NOMO1: variants seen among roughly 807,000 people sequenced by gnomAD.
NOMO1 encodes NODAL modulator 1.
A neutral mutation model predicts 133.8 loss-of-function variants in NOMO1; 40 were observed. That is an observed-to-expected ratio of 0.30 (90% CI 0.23 to 0.39). NOMO1 has a LOEUF of 0.39. NOMO1 is among the 10% of genes least tolerant of loss of function. The pLI is 1.00. For synonymous variants in NOMO1, 236 were observed against 570.5 expected (o/e 0.41, Z 8.36); for missense variants, 462 against 1,419.9 (o/e 0.33, Z 10.84).
chr16:14,884,014 A>G (rs1011824414), intron 26 of NOMO1, among the ~76,000 whole-genome samples: 13 of 146,754 alleles, frequency 8.9e-5, no homozygotes, highest in African/African-American at 2.6e-4. Context: ...AAATGTGTCT[A>G]TGGGCCAGGG....
At position 14,857,589 on chromosome 16, in the gene NOMO1, A is replaced by C; in HGVS notation, c.1154A>C (p.Tyr385Ser). The change falls in exon 11 of 31, where the codon TAC becomes TCC. Residue 385 changes from tyrosine (Y) to serine (S), a missense_variant. Transcript: ENST00000287667. ...ATCCATGCTCAGAAAGAGCACCTCT[A>C]CTTTGAAACGGTCACCATCAAAATT... ...YTIHAQKEHL[Y>S]FETVTIKIAP... is the part of the protein sequence containing the mutation. 1.2e-6 allele frequency: 2 copies of C among 1,612,682 alleles called. No individual in the cohort carries two copies. Among genetic ancestry groups the C allele is most frequent in the South Asian group, 1.1e-5 (1 of 90,974 alleles).
chr16:14,846,400 G>C (rs1014750112), intron 4 of NOMO1, among the ~76,000 whole-genome samples, 177 bp from the exon 5 acceptor site: 5 of 144,726 alleles, frequency 3.5e-5, no homozygotes, highest in Non-Finnish European at 1.5e-5. Flanking sequence ...TACTGTTACT[G>C]TTCCCTCTCC....
chr16:14,880,486 G>T (rs912914305), intron 24 of NOMO1, among the ~76,000 whole-genome samples: 4 of 151,676 alleles, frequency 2.6e-5, no homozygotes, highest in African/African-American at 4.9e-5. Context: ...CTGCCTCCTG[G>T]GTTCCAGCAA....
At chr16:14,860,861 T>G (rs753084018) in intron 11 of NOMO1, among the ~76,000 whole-genome samples, 66 of 151,942 alleles carry the variant, frequency 4.3e-4, no homozygotes, top group Non-Finnish European at 1.6e-4. Flanking sequence ...TTTTCCTTTT[T>G]ATTTTTTTTT....
intron 29 of NOMO1, among the ~76,000 whole-genome samples, chr16:14,892,628 AG>A (rs1278851862): frequency 3.8e-4 from 56 of 149,186 alleles, no homozygotes; most frequent in Non-Finnish European, 5.2e-4. Context: ...AAAAAAAAAA[AG>A]CTATGCCTGC....
chr16:14,889,020 A>G, intron 28 of NOMO1, 76 bp from the exon 29 acceptor site: 1 of 1,610,028 alleles, frequency 6.2e-7, no homozygotes. Flanking sequence ...CATCACAGCC[A>G]TACGTTAGGT....
rs1164419765 is a variant in NOMO1 at position 14,847,095 on chromosome 16, C to T, written c.509+412C>T. Among the ~76,000 whole-genome samples the T allele has an allele frequency of 4.2e-5, 6 of 144,428 alleles. No individual in the cohort carries two copies. In the East Asian group the frequency reaches 1.2e-3, roughly 30 times the overall value. The allele number at this position is 144,428 out of a possible 152,430, so 94.8% of individuals were successfully genotyped here. A position where few individuals can be genotyped will look rare whatever the true frequency, so the allele number is the denominator to read the frequency against. On this transcript the variant is annotated intron_variant, in intron 5 of 30. Transcript: ENST00000287667. ...GAAGAAAATTAGCTGGGTGTGGTGG[C>T]ATGCTTCTGTGGTCGCAGCTACTCG...
intron 1 of NOMO1, 143 bp from the exon 2 acceptor site, chr16:14,838,264 T>A (rs1425455537): frequency 1.3e-6 from 1 of 794,922 alleles, no homozygotes; most frequent in African/African-American, 1.7e-5. Flanking sequence ...TTTCCCTCTG[T>A]CCCCAGTAAT....
rs1300923890 is a variant in NOMO1 at position 14,857,501 on chromosome 16, A to G, written c.1070-4A>G. On this transcript the variant is annotated splice_region_variant and splice_polypyrimidine_tract_variant and intron_variant, in intron 10 of 30. Coordinates refer to ENST00000287667, the MANE Select transcript of NOMO1 (RefSeq NM_014287.4). ...TCTTCTGTTTGTGTGTTTTTGTTTT[A>G]CAGTTAAAACAAAAGCTGATGGCTC... The G allele has an allele frequency of 6.2e-7, 1 of 1,608,280 alleles. No homozygotes were observed. The highest frequency in any genetic ancestry group is 1.1e-5 in the South Asian group (1 of 90,764).
At chr16:14,844,361 G>A (rs1486937665) in intron 3 of NOMO1, among the ~76,000 whole-genome samples, 1 of 151,702 alleles carries the variant, frequency 6.6e-6, no homozygotes, top group African/African-American at 2.4e-5. Context: ...ATTATTTGGT[G>A]CTCACTGAAT....
At chr16:14,845,146 C>T (rs1473679601) in intron 4 of NOMO1, among the ~76,000 whole-genome samples, 4 of 151,882 alleles carry the variant, frequency 2.6e-5, no homozygotes, top group Middle Eastern at 3.4e-3. Context: ...CTCACCCTCC[C>T]GCTCCTTCAC....
At chr16:14,874,306 A>G (rs955550129) in intron 18 of NOMO1, among the ~76,000 whole-genome samples, 5 of 151,904 alleles carry the variant, frequency 3.3e-5, no homozygotes, top group Admixed American at 2.0e-4. Flanking sequence ...TCTGTTGGAT[A>G]TGACTCTTCC....
chr16:14,836,430 A>G (rs908885569), intron 1 of NOMO1, among the ~76,000 whole-genome samples: 16 of 152,014 alleles, frequency 1.1e-4, no homozygotes, highest in African/African-American at 3.9e-4. Flanking sequence ...AGCTGGTGAG[A>G]TTCGACTGTT....
intron 4 of NOMO1, among the ~76,000 whole-genome samples, chr16:14,846,323 G>A (rs375910792): frequency 0.011 from 1,686 of 146,722 alleles, 56 homozygotes; most frequent in African/African-American, 0.043. Flanking sequence ...CACCACACCC[G>A]CCCAGACCAA....
Position 14,868,649 on chromosome 16 carries a change from G to A in NOMO1, c.1894+14G>A. The A allele has an allele frequency of 7.9e-6, 12 of 1,526,744 alleles. No homozygotes were observed. Among genetic ancestry groups the A allele is most frequent in the Non-Finnish European group, 1.1e-5 (12 of 1,106,130 alleles). The allele number at this position is 1,526,744 out of a possible 1,614,324, so 94.6% of individuals were successfully genotyped here. On this transcript the variant is annotated intron_variant, in intron 16 of 30. Transcript: ENST00000287667. ...TGTCCAAGCCTGGTAAGTTTGGAAG[G>A]ATTGATGTGCCATGAATTAGAAAAA...
intron 11 of NOMO1, among the ~76,000 whole-genome samples, chr16:14,861,766 C>T (rs920159581): frequency 1.3e-5 from 2 of 150,866 alleles, no homozygotes; most frequent in Non-Finnish European, 1.5e-5. Flanking sequence ...GAGCGCAACA[C>T]AACTACATTT....
intron 6 of NOMO1, among the ~76,000 whole-genome samples, chr16:14,850,671 T>G (rs1963744535): frequency 6.6e-6 from 1 of 151,658 alleles, no homozygotes; most frequent in African/African-American, 2.4e-5. Context: ...TATTATTATT[T>G]TTACTCTGTA....
intron 11 of NOMO1, chr16:14,862,661 C>T (rs370276): frequency 3.4e-5 from 12 of 354,932 alleles, no homozygotes; most frequent in South Asian, 1.8e-4. Flanking sequence ...AAGGCCGCTC[C>T]GCTGTCAACG....
At chr16:14,843,037 C>T (rs1394998912) in intron 3 of NOMO1, among the ~76,000 whole-genome samples, 4 of 136,508 alleles carry the variant, frequency 2.9e-5, no homozygotes, top group Non-Finnish European at 6.2e-5. Context: ...TGTGCCTCAG[C>T]CTCCTCAGTA....
Sources: allele counts gnomAD v4.1 joint callset (sites outside exome capture counted in the v4.1 genomes callset), GRCh38; gene constraint gnomAD v4.1.1; transcripts MANE v1.5; gene names NCBI Gene and HGNC (gene_info 2026-07-23, HGNC 2026-07-21).